Variants in RTN4IP1 observed in about 807,000 individuals in gnomAD.
RTN4IP1 encodes NAD(P)H oxidoreductase RTN4IP1, mitochondrial.
In RTN4IP1, 32 loss-of-function variants were observed where a neutral mutation model predicts 46.6. The ratio of observed to expected loss-of-function variants is 0.69; its 90% CI spans 0.52 to 0.92. The LOEUF (loss-of-function observed/expected upper bound fraction) is 0.92. RTN4IP1 is among the 40% of genes least tolerant of loss of function. The pLI, the probability that RTN4IP1 is intolerant of heterozygous loss-of-function variation, is 0.00. For synonymous variants in RTN4IP1, 167 were observed against 161.8 expected (o/e 1.03, Z -0.24); for missense variants, 424 against 485.8 (o/e 0.87, Z 1.20).
intron 5 of RTN4IP1, among the ~76,000 whole-genome samples, chr6:106,601,311 A>G (rs1428812924): frequency 6.6e-6 from 1 of 151,932 alleles, no homozygotes; most frequent in Non-Finnish European, 1.5e-5. Flanking sequence ...TATTCTGGAT[A>G]CTAGACTCTT....
At chr6:106,579,356 C>T (rs1040282280) in intron 8 of RTN4IP1, among the ~76,000 whole-genome samples, 26 of 152,040 alleles carry the variant, frequency 1.7e-4, no homozygotes, top group African/African-American at 6.0e-4. Flanking sequence ...AATGAAAATA[C>T]TAGGTAACTT....
chr6:106,590,670 G>A (rs1172340860), intron 6 of RTN4IP1, among the ~76,000 whole-genome samples: 6 of 128,538 alleles, frequency 4.7e-5, no homozygotes, highest in South Asian at 2.7e-4. Context: ...AGCCAAGATC[G>A]TGCCACTGCA....
At chr6:106,601,558 G>A (rs1173952214) in intron 5 of RTN4IP1, among the ~76,000 whole-genome samples, 2 of 151,886 alleles carry the variant, frequency 1.3e-5, no homozygotes, top group Non-Finnish European at 2.9e-5. Context: ...TCTTCTAAGA[G>A]TTTTACAGTT....
Position 106,588,456 on chromosome 6 carries a change from G to A in RTN4IP1, c.807-594C>T, listed in dbSNP as rs115385543. ...ACCTTCTGAAATTTTCTATCATTTG[G>A]TTTCAGGTACAGCATCAGGACAATG... On this transcript the variant is annotated intron_variant, in intron 6 of 8. Coordinates refer to ENST00000369063, the MANE Select transcript of RTN4IP1 (RefSeq NM_032730.5). Among the ~76,000 whole-genome samples, 510 of 152,220 alleles carry A rather than the reference G, an allele frequency of 3.4e-3. 5 individuals are homozygous for A. Among genetic ancestry groups the A allele is most frequent in the African/African-American group, 0.012 (478 of 41,528 alleles).
chr6:106,614,121 C>A (rs1221118419), intron 4 of RTN4IP1, among the ~76,000 whole-genome samples: 1 of 152,210 alleles, frequency 6.6e-6, no homozygotes, highest in African/African-American at 2.4e-5. Flanking sequence ...CCAAAATAAA[C>A]TTTCTAAATT....
rs1776488554 is a variant in RTN4IP1 at position 106,621,585 on chromosome 6, T to C, written c.427-92A>G. On this transcript the variant is annotated intron_variant, in intron 2 of 8. Transcript: ENST00000369063. ...AAAGTGTTCCCTAATATATACCCTGTGCTGTGAAAAACACAGAAGTCAGCA... is the reference window on the plus strand; with the variant it reads ...AAAGTGTTCCCTAATATATACCCTGCGCTGTGAAAAACACAGAAGTCAGCA... 3 of 1,021,024 alleles carry C rather than the reference T, an allele frequency of 2.9e-6. No individual in the cohort carries two copies. The South Asian group carries it at 3.9e-5, about 13-fold the overall frequency. The allele number at this position is 1,021,024 out of a possible 1,614,324, so 63.2% of individuals were successfully genotyped here.
Position 106,592,286 on chromosome 6 carries a change from C to T in RTN4IP1, c.684G>A (p.Trp228Ter), listed in dbSNP as rs1333660878. 1 of 1,613,460 alleles carries T rather than the reference C, an allele frequency of 6.2e-7. No individual in the cohort carries two copies. The highest frequency in any genetic ancestry group is 8.5e-7 in the Non-Finnish European group (1 of 1,179,848). The change falls in exon 6 of 9, where the codon TGG (tryptophan) becomes TGA (stop). Residue 228 changes from tryptophan (W) to a stop codon, truncating the protein, a stop_gained. Transcript: ENST00000369063. LOFTEE classifies it high-confidence loss of function. ...GTFAIQVMKA[W>*]DAHVTAVCSQ... is the part of the protein sequence containing the mutation. ...AGCAAACTGCTGTCACATGAGCATC[C>T]CATGCTTTCATTACCTGCCCCCCAC... is the stretch of plus-strand genomic sequence containing the variant.
intron 8 of RTN4IP1, among the ~76,000 whole-genome samples, chr6:106,578,065 T>A (rs1363139593): frequency 1.3e-5 from 2 of 152,152 alleles, no homozygotes; most frequent in Admixed American, 1.3e-4. Flanking sequence ...CAAAACACAG[T>A]TACACAGTCC....
chr6:106,578,017 C>CA (rs1443392664), intron 8 of RTN4IP1, among the ~76,000 whole-genome samples: 3 of 152,172 alleles, frequency 2.0e-5, no homozygotes, highest in Non-Finnish European at 4.4e-5. Context: ...GAAACTAATG[C>CA]ATGCATATAT....
chr6:106,602,960 A>G (rs781096115), intron 4 of RTN4IP1, 38 bp from the exon 5 acceptor site: 1 of 1,514,684 alleles, frequency 6.6e-7, no homozygotes, highest in Non-Finnish European at 9.0e-7. Context: ...CGAGAATCTA[A>G]AGCAGATATA....
chr6:106,629,534 G>A, upstream of RTN4IP1: 2 of 1,006,264 alleles, frequency 2.0e-6, 1 homozygote, highest in South Asian at 3.3e-5. Context: ...TCATTTCCTC[G>A]GGCTGCAATT....
rs1239569679 is a variant in RTN4IP1 at position 106,587,754 on chromosome 6, G to A, written c.915C>T (p.Leu305=). ...CTATGCCCAATCGGTCCATGTTCAG[G>A]AGGAAAGGAGTCACCAAAGTCACAT... ...ATYVTLVTPF[L]LNMDRLGIAD... Residue 305 remains leucine (L), a synonymous_variant, in exon 7 of 9, where the codon CTC becomes CTT. Transcript: ENST00000369063. 6.2e-7 allele frequency: 1 copy of A among 1,613,946 alleles called. No homozygotes were observed. The highest frequency in any genetic ancestry group is 1.1e-5 in the South Asian group (1 of 91,084).
chr6:106,582,480 T>C (rs746730316), intron 8 of RTN4IP1, among the ~76,000 whole-genome samples: 4 of 152,248 alleles, frequency 2.6e-5, no homozygotes, highest in Non-Finnish European at 5.9e-5. Flanking sequence ...GTTCCATTTC[T>C]GCAAGTTTGA....
intron 4 of RTN4IP1, among the ~76,000 whole-genome samples, chr6:106,617,820 G>A (rs1466558276): frequency 6.6e-6 from 1 of 152,138 alleles, no homozygotes; most frequent in African/African-American, 2.4e-5. Context: ...ATATAGTCAT[G>A]CAGGCATAGA....
At chr6:106,595,472 T>C (rs1775761453) in intron 5 of RTN4IP1, among the ~76,000 whole-genome samples, 1 of 151,446 alleles carries the variant, frequency 6.6e-6, no homozygotes, top group Non-Finnish European at 1.5e-5. Context: ...TCTACTTCTT[T>C]TATTTAAGTA....
chr6:106,581,798 G>C (rs908439545), intron 8 of RTN4IP1, among the ~76,000 whole-genome samples: 6 of 152,212 alleles, frequency 3.9e-5, no homozygotes, highest in Non-Finnish European at 5.9e-5. Flanking sequence ...GGCAGAGAGA[G>C]AGTCACAATA....
At chr6:106,592,836 G>A (rs1006128122) in intron 5 of RTN4IP1, among the ~76,000 whole-genome samples, 8 of 152,050 alleles carry the variant, frequency 5.3e-5, no homozygotes, top group Admixed American at 5.2e-4. Context: ...GGCCAAGGCA[G>A]GAGAATCGCT....
At chr6:106,598,339 A>C (rs1775854162) in intron 5 of RTN4IP1, among the ~76,000 whole-genome samples, 1 of 152,084 alleles carries the variant, frequency 6.6e-6, no homozygotes, top group African/African-American at 2.4e-5. Flanking sequence ...CTATTTCTCC[A>C]CATCTTCTCC....
chr6:106,609,145 C>A (rs1776159956), intron 4 of RTN4IP1, among the ~76,000 whole-genome samples: 1 of 152,240 alleles, frequency 6.6e-6, no homozygotes, highest in South Asian at 2.1e-4. Context: ...CTATGCCACA[C>A]ATCCTACTTC....
Sources: allele counts gnomAD v4.1 joint callset (sites outside exome capture counted in the v4.1 genomes callset), GRCh38; gene constraint gnomAD v4.1.1; transcripts MANE v1.5; gene names NCBI Gene and HGNC (gene_info 2026-07-23, HGNC 2026-07-21).